The following MRPL3 variants were observed in gnomAD, a reference collection of about 807,000 sequenced individuals.
MRPL3 encodes mitochondrial ribosomal protein L3.
In MRPL3, 43 loss-of-function variants were observed where a neutral mutation model predicts 44.3. The observed-to-expected ratio is 0.97, with a 90% CI of 0.76 to 1.25. MRPL3 has a LOEUF of 1.25. MRPL3 is among the 50% of genes most tolerant of loss of function. The pLI, the probability that MRPL3 is intolerant of heterozygous loss-of-function variation, is 0.00. For missense variants in MRPL3, 406 were observed against 427.6 expected (o/e 0.95, Z 0.45); for synonymous variants, 171 against 152.3 (o/e 1.12, Z -0.91).
At chr3:131,486,446 T>A (rs113864986) in intron 6 of MRPL3, among the ~76,000 whole-genome samples, 7,164 of 119,940 alleles carry the variant, frequency 0.06, 241 homozygotes, top group Middle Eastern at 0.077. Context: ...GGAGAAAAAT[T>A]TTTTTTTTTT....
At chr3:131,465,891 C>CTTTTT (rs55635822) in intron 9 of MRPL3, among the ~76,000 whole-genome samples, 6 of 133,348 alleles carry the variant, frequency 4.5e-5, no homozygotes, top group Non-Finnish European at 7.7e-5. Context: ...CTTTTTCTCT[C>CTTTTT]TTTTTTTTTT....
chr3:131,492,641 G>A (rs937010478), intron 4 of MRPL3, among the ~76,000 whole-genome samples: 1 of 152,268 alleles, frequency 6.6e-6, no homozygotes, highest in Non-Finnish European at 1.5e-5. Context: ...ACCTCCTGCT[G>A]TGCAGTTCCC....
chr3:131,482,101 T>C (rs927816868), intron 6 of MRPL3, among the ~76,000 whole-genome samples: 12 of 152,346 alleles, frequency 7.9e-5, no homozygotes, highest in African/African-American at 2.9e-4. Context: ...TCTTTGACTT[T>C]GGTAGGCAAC....
At chr3:131,463,812 G>C (rs989751514) in intron 9 of MRPL3, among the ~76,000 whole-genome samples, 2 of 151,980 alleles carry the variant, frequency 1.3e-5, no homozygotes, top group Non-Finnish European at 2.9e-5. Flanking sequence ...GGATTCTTCA[G>C]AACTTCTGAC....
rs115401960 is a variant in MRPL3, at chr3:131,487,698, A to C, written c.611T>G (p.Val204Gly). 3.3e-5 allele frequency: 53 copies of C among 1,611,748 alleles called. No homozygotes were observed. The African/African-American group carries it at 6.3e-4, about 19-fold the overall frequency. ...YAAHFRPGQY[V>G]DVTAKTIGKG... ...GACCTACGTTTTGGCTGTGACATCCACATACTGTCCTGGACGAAAGTGAGC... is the reference window on the plus strand; with the variant it reads ...GACCTACGTTTTGGCTGTGACATCCCCATACTGTCCTGGACGAAAGTGAGC... The change falls in exon 6 of 10, where the codon GTG becomes GGG. Residue 204 changes from valine to glycine, a missense_variant. By Grantham distance (109) the Val-to-Gly change is moderately radical. Coordinates refer to ENST00000264995, the MANE Select transcript of MRPL3 (RefSeq NM_007208.4).
In MRPL3 at chr3:131,502,971, C is replaced by A. The variant is rs1461873989; in HGVS notation, c.-150G>T. ...AACGGTCGCCGGCCGATGCTCTCTG[C>A]GACGGAAAGAAAGCCGCCGGACCCA... On this transcript the variant is annotated 5_prime_UTR_variant, in exon 1 of 10. Coordinates refer to ENST00000264995, the MANE Select transcript of MRPL3 (RefSeq NM_007208.4). 2.6e-6 allele frequency: 2 copies of A among 755,914 alleles called. No individual in the cohort carries two copies. Among genetic ancestry groups the A allele is most frequent in the Non-Finnish European group, 2.3e-6 (1 of 439,244 alleles). 46.8% of individuals were successfully genotyped at this position (755,914 alleles called of 1,614,324 possible). A position where few individuals can be genotyped will look rare whatever the true frequency, so the allele number is the denominator to read the frequency against.
intron 6 of MRPL3, among the ~76,000 whole-genome samples, chr3:131,480,953 G>A (rs908602013): frequency 7.2e-5 from 11 of 152,082 alleles, no homozygotes; most frequent in East Asian, 1.9e-4. Context: ...TAATGAAATC[G>A]AAATCCCCAC....
At chr3:131,501,886 C>T in intron 1 of MRPL3, 171 bp from the exon 2 acceptor site, 1 of 1,539,216 alleles carries the variant, frequency 6.5e-7, no homozygotes, top group African/African-American at 1.4e-5. Flanking sequence ...CCCCACATTC[C>T]TTCGGATAAG....
At chr3:131,471,304 T>C (rs747417766) in intron 6 of MRPL3, 25 bp from the exon 7 acceptor site, 2 of 1,502,246 alleles carry the variant, frequency 1.3e-6, no homozygotes, top group Non-Finnish European at 1.9e-6. Flanking sequence ...CGTTAGAATT[T>C]ACATAATGAA....
At chr3:131,466,485 TCTGAG>T (rs965625874) in intron 9 of MRPL3, among the ~76,000 whole-genome samples, 14 of 152,108 alleles carry the variant, frequency 9.2e-5, no homozygotes, top group Admixed American at 2.6e-4. Context: ...TTAAAATGTA[TCTGAG>T]CTATCGGTAC....
intron 4 of MRPL3, among the ~76,000 whole-genome samples, chr3:131,496,867 C>G (rs1934380726): frequency 6.6e-6 from 1 of 152,228 alleles, no homozygotes; most frequent in African/African-American, 2.4e-5. Context: ...CTAAACCTCA[C>G]ACACTACCTT....
intron 9 of MRPL3, among the ~76,000 whole-genome samples, chr3:131,465,740 A>T (rs1463820931): frequency 1.3e-5 from 2 of 152,194 alleles, no homozygotes; most frequent in Non-Finnish European, 2.9e-5. Context: ...CACGGGAAGT[A>T]CAATGACAAT....
At chr3:131,474,110 T>C (rs1933800692) in intron 6 of MRPL3, among the ~76,000 whole-genome samples, 1 of 152,160 alleles carries the variant, frequency 6.6e-6, no homozygotes, top group Non-Finnish European at 1.5e-5. Flanking sequence ...TTGTATTTAT[T>C]GAGCACCATT....
intron 6 of MRPL3, among the ~76,000 whole-genome samples, chr3:131,485,515 C>T (rs1483506005): frequency 6.6e-6 from 1 of 152,078 alleles, no homozygotes; most frequent in Non-Finnish European, 1.5e-5. Context: ...ACATATTTCC[C>T]CAACTAACCA....
chr3:131,468,050 A>C (rs1582700972), intron 9 of MRPL3, 41 bp downstream of exon 9: 7 of 81,418 alleles, frequency 8.6e-5, no homozygotes, highest in Non-Finnish European at 1.2e-4. Flanking sequence ...AGTAAGAAAC[A>C]AAAAAAAAAA....
chr3:131,499,491 C>T (rs534342141), intron 3 of MRPL3, among the ~76,000 whole-genome samples: 2 of 152,284 alleles, frequency 1.3e-5, no homozygotes, highest in South Asian at 4.1e-4. Context: ...AAGCCCCCTG[C>T]CCCCGCCAGT....
At chr3:131,498,357 G>C in intron 3 of MRPL3, 80 bp from the exon 4 acceptor site, 1 of 799,402 alleles carries the variant, frequency 1.3e-6, no homozygotes, top group African/African-American at 1.8e-5. Flanking sequence ...TGAGACCTTA[G>C]GACAAATAGG....
intron 4 of MRPL3, 98 bp from the exon 5 acceptor site, chr3:131,490,178 A>G (rs1232757507): frequency 1.2e-6 from 1 of 801,544 alleles, no homozygotes; most frequent in Non-Finnish European, 2.1e-6. Flanking sequence ...CCCAGAAAAT[A>G]AATCAAAGCA....
intron 8 of MRPL3, among the ~76,000 whole-genome samples, chr3:131,469,136 T>A (rs1407831178): frequency 6.6e-6 from 1 of 152,078 alleles, no homozygotes. Context: ...AGACATTTTT[T>A]ATAAAAACGG....
Sources: gnomAD v4.1 joint callset for allele counts (sites outside exome capture counted in the v4.1 genomes callset) on GRCh38, gnomAD v4.1.1 for gene constraint, MANE v1.5 for transcripts, NCBI Gene and HGNC (gene_info 2026-07-23, HGNC 2026-07-21) for gene names.